FGFR1: variants seen among roughly 807,000 people sequenced by gnomAD.
The protein encoded by FGFR1 is fibroblast growth factor receptor 1, also known as FGFR1/PLAG1 fusion.
In FGFR1, 18 loss-of-function variants were observed where a neutral mutation model predicts 93.7. The observed-to-expected ratio is 0.19, with a 90% CI of 0.13 to 0.28. FGFR1 has a LOEUF of 0.28. Among genes scored for constraint, FGFR1 ranks in the 10% least tolerant of loss-of-function variants. FGFR1 has a pLI of 1.00. For synonymous variants in FGFR1, 448 were observed against 429.3 expected (o/e 1.04, Z -0.54); for missense variants, 731 against 1,080.4 (o/e 0.68, Z 4.53).
intron 2 of FGFR1, among the ~76,000 whole-genome samples, chr8:38,455,055 A>G (rs946699848): frequency 1.4e-5 from 2 of 145,194 alleles, no homozygotes; most frequent in African/African-American, 5.2e-5. Flanking sequence ...GGCTCACTGC[A>G]ACCTCTACCT....
intron 1 of FGFR1, among the ~76,000 whole-genome samples, chr8:38,461,709 G>T (rs778177441): frequency 2.0e-5 from 3 of 151,818 alleles, no homozygotes; most frequent in African/African-American, 7.3e-5. Flanking sequence ...TCTAAGCCTC[G>T]GTTTCCCACC....
rs369853854 is a variant in FGFR1, at chr8:38,429,678, C to T, written c.358+4G>A. ...AGGGGCAAGGGCAGGGCTTGGCTACCAACCTGAAACATTGACGGAGAAGTA... is the reference window on the plus strand; with the variant it reads ...AGGGGCAAGGGCAGGGCTTGGCTACTAACCTGAAACATTGACGGAGAAGTA... On this transcript the variant is annotated splice_donor_region_variant and intron_variant, in intron 3 of 17. Coordinates refer to ENST00000447712, the MANE Select transcript of FGFR1 (RefSeq NM_023110.3). The surrounding 1 kb of genome is among the most constrained non-coding windows in gnomAD (Gnocchi z 4.4). 8 of 1,563,676 alleles carry T rather than the reference C, an allele frequency of 5.1e-6. No individual in the cohort carries two copies. Among genetic ancestry groups the T allele is most frequent in the Non-Finnish European group, 6.9e-6 (8 of 1,153,712 alleles).
chr8:38,417,692 C>T (rs763879220), intron 11 of FGFR1, among the ~76,000 whole-genome samples, 178 bp downstream of exon 11: 3 of 152,108 alleles, frequency 2.0e-5, no homozygotes, highest in Non-Finnish European at 4.4e-5. Flanking sequence ...AACAGAGTGA[C>T]GTCATAGAAC....
rs765615419 is a variant in FGFR1 at position 38,428,408 on chromosome 8, T to C, written c.386A>G (p.Asp129Gly). 1 of 1,613,864 alleles carries C rather than the reference T, an allele frequency of 6.2e-7. No individual in the cohort carries two copies. The highest frequency in any genetic ancestry group is 8.5e-7 in the Non-Finnish European group (1 of 1,179,978). The change falls in exon 4 of 18, where the codon GAT (aspartate) becomes GGT (glycine). Residue 129 changes from aspartate (D) to glycine (G), a missense_variant. By Grantham distance (94) the Asp-to-Gly change is moderately conservative. Around this residue, in one of 10 missense-constraint regions of FGFR1, gnomAD observed 212 missense variants for 205.8 expected, o/e 1.03. Transcript: ENST00000447712. ...SDALPSSEDD[D>G]DDDDSSSEEK... ...CTCTGAAGAGGAGTCATCATCATCA[T>C]CATCATCCTCCGAGGAGGGGAGAGC...
chr8:38,447,393 T>G (rs1318320125), intron 2 of FGFR1, among the ~76,000 whole-genome samples: 9 of 152,006 alleles, frequency 5.9e-5, no homozygotes, highest in Non-Finnish European at 1.3e-4. Flanking sequence ...AACCTCAGTT[T>G]ACTCATCTGA....
chr8:38,466,667 G>A (rs1271051913), intron 1 of FGFR1: 1 of 225,926 alleles, frequency 4.4e-6, no homozygotes, highest in East Asian at 6.3e-5. Context: ...AGGTGGTCAA[G>A]ACAGGCTGAA....
At chr8:38,430,097 G>A in intron 2 of FGFR1, 149 bp from the exon 3 acceptor site, 1 of 784,892 alleles carries the variant, frequency 1.3e-6, no homozygotes, top group Non-Finnish European at 2.0e-6. Flanking sequence ...CTGAGCCAGG[G>A]CAGTGGGAAT....
rs754042547 is a variant in FGFR1, at chr8:38,418,410, G to A, written c.1285-37C>T. 6 of 1,602,664 alleles carry A rather than the reference G, an allele frequency of 3.7e-6. No individual in the cohort carries two copies. In the Admixed American group the frequency reaches 1.0e-4, roughly 28 times the overall value. On this transcript the variant is annotated intron_variant, in intron 9 of 17. Coordinates refer to ENST00000447712, the MANE Select transcript of FGFR1 (RefSeq NM_023110.3). ...AGTGGGGTCACCCTAGAGCAAGGAGGGGGGACGGGGTGACTCCTTCCCATT... is the reference window on the plus strand; with the variant it reads ...AGTGGGGTCACCCTAGAGCAAGGAGAGGGGACGGGGTGACTCCTTCCCATT...
At chr8:38,463,789 A>G (rs961885391) in intron 1 of FGFR1, among the ~76,000 whole-genome samples, 1 of 152,196 alleles carries the variant, frequency 6.6e-6, no homozygotes, top group South Asian at 2.1e-4. Flanking sequence ...AGGAAGTAAC[A>G]CCAAAACATT....
intron 8 of FGFR1, 40 bp from the exon 9 acceptor site, chr8:38,419,775 C>A (rs1484603217): frequency 6.3e-7 from 1 of 1,576,160 alleles, no homozygotes; most frequent in Non-Finnish European, 8.7e-7. Context: ...GCTTGGAGGG[C>A]CCCGTCCATG....
chr8:38,425,145 C>CT lies in FGFR1; in HGVS notation c.746-447dup, dbSNP rs34812083. Among the ~76,000 whole-genome samples the CT allele has an allele frequency of 5.1e-3, 752 of 146,866 alleles. 9 individuals carry two copies. Among genetic ancestry groups the CT allele is most frequent in the African/African-American group, 0.017 (671 of 39,904 alleles). On this transcript the variant is annotated intron_variant, in intron 6 of 17. Transcript: ENST00000447712. ...TCTTGGATCAGAATCTCCTTTTTAC[C>CT]TTTTTTTTTTTTAAAGGCAGGGTCT... is the stretch of plus-strand genomic sequence containing the variant.
At position 38,412,718 on chromosome 8, in the gene FGFR1, C is replaced by G. The variant is rs1356234280; in HGVS notation, c.*910G>C. The G allele has an allele frequency of 4.3e-6, 1 of 233,156 alleles. No individual in the cohort carries two copies. Among genetic ancestry groups the G allele is most frequent in the Non-Finnish European group, 8.5e-6 (1 of 117,910 alleles). The allele number at this position is 233,156 out of a possible 1,614,324, so 14.4% of individuals were successfully genotyped here. ...GGACATTCCCACCCTTTTCATACAG[C>G]CCATAGATAAATGAAGCAGCAGCAA... On this transcript the variant is annotated 3_prime_UTR_variant, in exon 18 of 18. Transcript: ENST00000447712.
At chr8:38,466,319 G>A (rs1835487342) in intron 1 of FGFR1, 1 of 232,270 alleles carries the variant, frequency 4.3e-6, no homozygotes, top group African/African-American at 2.2e-5. Context: ...GGCAGGGCAG[G>A]CGCTCCCGCA....
Position 38,423,143 on chromosome 8 carries a change from C to T in FGFR1, c.937-1202G>A, listed in dbSNP as rs901317783. 5.6e-5 allele frequency: 44 copies of T among 779,442 alleles called. 1 individual carries two copies. Among genetic ancestry groups the T allele is most frequent in the Non-Finnish European group, 3.1e-5 (13 of 417,934 alleles). 48.3% of individuals were successfully genotyped at this position (779,442 alleles called of 1,614,324 possible). On this transcript the variant is annotated intron_variant, in intron 7 of 17. Coordinates refer to ENST00000447712, the MANE Select transcript of FGFR1 (RefSeq NM_023110.3). ...CCTCTGTCACATTGAACAGGGTCAG[C>T]ACCTCCGCATCCGAGCTATTAATCC...
At chr8:38,456,027 C>T (rs1417531895) in intron 2 of FGFR1, among the ~76,000 whole-genome samples, 1 of 152,206 alleles carries the variant, frequency 6.6e-6, no homozygotes, top group Non-Finnish European at 1.5e-5. Flanking sequence ...CTGCTCTAGC[C>T]ACTGCACCTT....
chr8:38,414,234 G>T lies in FGFR1; in HGVS notation c.2104C>A (p.Pro702Thr). ...AAAAGTTCCTCCACAGGCACACCGG[G>T]GTATGGGGAGCCGCCCAGAGTGAAG... ...EIFTLGGSPY[P>T]GVPVEELFKL... The change falls in exon 16 of 18, where the codon CCC becomes ACC. Residue 702 changes from proline to threonine, a missense_variant. Transcript: ENST00000447712. 1 of 1,614,130 alleles carries T rather than the reference G, an allele frequency of 6.2e-7. No individual in the cohort carries two copies. Among genetic ancestry groups the T allele is most frequent in the Admixed American group, 1.7e-5 (1 of 60,004 alleles).
At chr8:38,445,206 C>G (rs756161789) in intron 2 of FGFR1, among the ~76,000 whole-genome samples, 10 of 152,226 alleles carry the variant, frequency 6.6e-5, no homozygotes, top group Non-Finnish European at 1.2e-4. Context: ...GAGCCCTCAA[C>G]TGTCCTTGAG....
Position 38,422,977 on chromosome 8 carries a change from G to A in FGFR1, c.937-1036C>T, listed in dbSNP as rs780271938. 1.7e-5 allele frequency: 13 copies of A among 774,028 alleles called. No homozygotes were observed. The African/African-American group carries it at 2.0e-4, about 12-fold the overall frequency. The allele number at this position is 774,028 out of a possible 1,614,324, so 47.9% of individuals were successfully genotyped here. A position where few individuals can be genotyped will look rare whatever the true frequency, so the allele number is the denominator to read the frequency against. On this transcript the variant is annotated intron_variant, in intron 7 of 17. Transcript: ENST00000447712. ...TTCCCCGCCTGCCCCAGCAGCTTGG[G>A]GCCTACATCAAATCCCCAGCACAGG...
At position 38,429,807 on chromosome 8, in the gene FGFR1, C is replaced by T. The variant is rs754968374; in HGVS notation, c.233G>A (p.Arg78His). The T allele has an allele frequency of 1.4e-5, 23 of 1,613,386 alleles. No individual in the cohort carries two copies. The highest frequency in any genetic ancestry group is 2.2e-5 in the East Asian group (1 of 44,872). Residue 78 changes from arginine (R) to histidine (H), a missense_variant, in exon 3 of 18, where the codon CGC becomes CAC. Transcript: ENST00000447712. This position sits in a 1 kb window ranked among gnomAD's most constrained non-coding sequence, Gnocchi z 4.4. ...CACCTCCTCCCCTGTGATGCGGGTG[C>T]GGTTGCTTTCCGCCAGCTGCACCCC... ...RDGVQLAESN[R>H]TRITGEEVEV...
Sources: allele counts gnomAD v4.1 joint callset (sites outside exome capture counted in the v4.1 genomes callset), GRCh38; gene constraint gnomAD v4.1.1; regional missense constraint gnomAD v4.1.1; non-coding constraint Gnocchi (gnomAD v3.1); transcripts MANE v1.5; gene names NCBI Gene and HGNC (gene_info 2026-07-23, HGNC 2026-07-21).